Variants in PTPRD observed in about 807,000 individuals in gnomAD.
PTPRD encodes the protein receptor-type tyrosine-protein phosphatase delta.
Under a neutral mutation model 214.5 loss-of-function variants are expected in PTPRD, and 34 were observed. The ratio of observed to expected loss-of-function variants is 0.16; its 90% confidence interval spans 0.12 to 0.21. The LOEUF is 0.21. Ranked by LOEUF, PTPRD falls within the 10% of genes least tolerant of loss-of-function variation. The pLI is 1.00. For missense variants in PTPRD, 2,545 were observed against 2,398.7 expected (o/e 1.06, Z -1.27); for synonymous variants, 1,128 against 845.7 (o/e 1.33, Z -5.79).
intron 8 of PTPRD, among the ~76,000 whole-genome samples, chr9:9,529,276 A>C (rs59978927): frequency 0.021 from 3,130 of 151,996 alleles, 50 homozygotes; most frequent in Admixed American, 0.029. Flanking sequence ...TCCAAACAAA[A>C]AAAAAAAATA....
At chr9:9,494,608 G>A (rs1244059920) in intron 8 of PTPRD, among the ~76,000 whole-genome samples, 1 of 152,150 alleles carries the variant, frequency 6.6e-6, no homozygotes, top group Non-Finnish European at 1.5e-5. Context: ...AAATACTTGG[G>A]AATCAAGGAG....
At chr9:10,191,509 A>G (rs1201553265) in intron 3 of PTPRD, among the ~76,000 whole-genome samples, 2 of 152,144 alleles carry the variant, frequency 1.3e-5, no homozygotes, top group Admixed American at 6.5e-5. Context: ...AAATGCCTGC[A>G]ATTTCCAGTC....
rs1166502089 is a variant in PTPRD, at chr9:8,934,411, GTGTGTGTGTGTA to G, written c.-104+84274_-104+84285del. Among the ~76,000 whole-genome samples, 5 of 41,470 alleles carry G rather than the reference GTGTGTGTGTGTA, an allele frequency of 1.2e-4. No individual in the cohort carries two copies. The South Asian group carries it at 2.2e-3, about 18-fold the overall frequency. 27.2% of individuals were successfully genotyped at this position (41,470 alleles called of 152,430 possible). ...ACTAATTATGTGTGTGTGTGTGTGT[GTGTGTGTGTGTA>G]TATATATATATAAATATATATATAA... is the stretch of plus-strand genomic sequence containing the variant. On this transcript the variant is annotated intron_variant, in intron 11 of 45. Transcript: ENST00000381196.
intron 3 of PTPRD, among the ~76,000 whole-genome samples, chr9:10,219,992 T>C (rs376884687): frequency 2.0e-5 from 3 of 151,910 alleles, no homozygotes; most frequent in East Asian, 3.9e-4. Flanking sequence ...AATGAAGAAA[T>C]TAAAAATATA....
intron 11 of PTPRD, among the ~76,000 whole-genome samples, chr9:8,918,360 T>A (rs1003712077): frequency 1.3e-5 from 2 of 152,180 alleles, no homozygotes; most frequent in African/African-American, 4.8e-5. Context: ...CAATGAATTG[T>A]CAGAAAATTA....
rs187589069 is a variant in PTPRD, at chr9:9,801,326, C to A, written c.-367-34475G>T. On this transcript the variant is annotated intron_variant, in intron 5 of 45. Coordinates refer to ENST00000381196, the MANE Select transcript of PTPRD (RefSeq NM_002839.4). ...CTATGCTGTATCAGGTATAAGCAAG[C>A]TAAAGAGGATTAAAAAAAAAAAAGT... Among the ~76,000 whole-genome samples, 974 of 118,868 alleles carry A rather than the reference C, an allele frequency of 8.2e-3. 40 individuals carry two copies. The highest frequency in any genetic ancestry group is 0.078 in the Admixed American group (911 of 11,660). 78.0% of individuals were successfully genotyped at this position (118,868 alleles called of 152,430 possible). A position where few individuals can be genotyped will look rare whatever the true frequency, so the allele number is the denominator to read the frequency against.
At chr9:8,648,030 A>AC (rs2154341407) in intron 12 of PTPRD, among the ~76,000 whole-genome samples, 1 of 152,336 alleles carries the variant, frequency 6.6e-6, no homozygotes, top group Admixed American at 6.5e-5. Flanking sequence ...ACATTCCAGA[A>AC]CAGCATGCAA....
intron 2 of PTPRD, among the ~76,000 whole-genome samples, chr9:10,546,070 C>G (rs1590568283): frequency 6.6e-6 from 1 of 152,218 alleles, no homozygotes; most frequent in Middle Eastern, 3.4e-3. Flanking sequence ...ACACAACTAT[C>G]ATTAGCTTTA....
chr9:10,189,759 T>C (rs1248857825), intron 3 of PTPRD, among the ~76,000 whole-genome samples: 1 of 152,096 alleles, frequency 6.6e-6, no homozygotes, highest in Non-Finnish European at 1.5e-5. Context: ...TATCACTAAA[T>C]TTTCTGAGAA....
intron 10 of PTPRD, among the ~76,000 whole-genome samples, chr9:9,094,773 T>TA (rs1393025089): frequency 3.9e-5 from 6 of 152,084 alleles, no homozygotes; most frequent in African/African-American, 1.2e-4. Context: ...AACAACAACA[T>TA]ACAATTTCCA....
chr9:8,609,504 G>C (rs2095363563), intron 14 of PTPRD, among the ~76,000 whole-genome samples: 1 of 152,200 alleles, frequency 6.6e-6, no homozygotes, highest in African/African-American at 2.4e-5. Context: ...TATGTAACTG[G>C]ATGCCTGAAT....
intron 4 of PTPRD, among the ~76,000 whole-genome samples, chr9:9,950,875 A>T (rs948552952): frequency 6.6e-6 from 1 of 152,090 alleles, no homozygotes; most frequent in Non-Finnish European, 1.5e-5. Context: ...ATGGTCTCAA[A>T]TAACAGTAGC....
rs568027196 is a variant in PTPRD, at chr9:9,206,241, G to A, written c.-202-22878C>T. On this transcript the variant is annotated intron_variant, in intron 9 of 45. Coordinates refer to ENST00000381196, the MANE Select transcript of PTPRD (RefSeq NM_002839.4). ...CTGAGGTCAGAGAAGTAATGATGGA[G>A]GGTGGTGGGAGATGACATACAGCTT... Among the ~76,000 whole-genome samples the A allele has an allele frequency of 2.0e-5, 3 of 152,272 alleles. No individual in the cohort carries two copies. In the East Asian group the frequency reaches 5.8e-4, roughly 29 times the overall value.
chr9:10,496,511 G>C (rs990431079), intron 2 of PTPRD, among the ~76,000 whole-genome samples: 1 of 151,922 alleles, frequency 6.6e-6, no homozygotes, highest in Non-Finnish European at 1.5e-5. Context: ...CCTGCTTTAA[G>C]TTCTGTGAGA....
intron 5 of PTPRD, among the ~76,000 whole-genome samples, chr9:9,916,453 T>C (rs1470733171): frequency 6.6e-6 from 1 of 151,960 alleles, no homozygotes; most frequent in Non-Finnish European, 1.5e-5. Context: ...ATAATAACTA[T>C]GAATGTAAAT....
intron 5 of PTPRD, among the ~76,000 whole-genome samples, chr9:9,871,083 T>C (rs1401732286): frequency 1.3e-5 from 2 of 152,182 alleles, no homozygotes. Flanking sequence ...CTCTCTAGTC[T>C]AAAACATTTT....
chr9:8,445,856 T>C (rs2095705384), intron 34 of PTPRD, among the ~76,000 whole-genome samples: 1 of 152,194 alleles, frequency 6.6e-6, no homozygotes, highest in Non-Finnish European at 1.5e-5. Context: ...CCAAGAACTT[T>C]GTTGCCACTA....
At chr9:8,997,699 A>T (rs1355460896) in intron 11 of PTPRD, among the ~76,000 whole-genome samples, 1 of 152,140 alleles carries the variant, frequency 6.6e-6, no homozygotes, top group Non-Finnish European at 1.5e-5. Flanking sequence ...TTAAGTCAAA[A>T]GCTAGAAATG....
chr9:10,113,236 T>A (rs2098705854), intron 3 of PTPRD, among the ~76,000 whole-genome samples: 1 of 152,204 alleles, frequency 6.6e-6, no homozygotes, highest in African/African-American at 2.4e-5. Flanking sequence ...TCATAAAAAA[T>A]TTATTTGTTC....
Sources: allele counts gnomAD v4.1 joint callset (sites outside exome capture counted in the v4.1 genomes callset), GRCh38; gene constraint gnomAD v4.1.1; transcripts MANE v1.5; gene names NCBI Gene and HGNC (gene_info 2026-07-23, HGNC 2026-07-21).